Variants in SNX6 observed in about 807,000 individuals in gnomAD.
SNX6 encodes the protein sorting nexin 6.
Under a neutral mutation model 63.0 loss-of-function variants are expected in SNX6, and 34 were observed. The ratio of observed to expected loss-of-function variants is 0.54; its 90% CI spans 0.41 to 0.72. SNX6 has a LOEUF of 0.72. Among genes scored for constraint, SNX6 ranks in the 30% least tolerant of loss-of-function variants. SNX6 has a pLI of 0.00. For missense variants in SNX6, 398 were observed against 471.4 expected, an observed-to-expected ratio of 0.84 and a Z score of 1.44; for synonymous variants, 170 against 164.2, an observed-to-expected ratio of 1.04 and a Z score of -0.27.
chr14:34,563,238 G>T, intron 13 of SNX6, 63 bp from the exon 14 acceptor site: 1 of 1,459,240 alleles, frequency 6.9e-7, no homozygotes, highest in Non-Finnish European at 9.6e-7. Context: ...GACTCCTACT[G>T]AAAATACAGT....
Position 34,596,816 on chromosome 14 carries a change from G to A in SNX6, c.612+734C>T, listed in dbSNP as rs549372044. 7.4e-4 allele frequency among the ~76,000 whole-genome samples: 112 copies of A among 151,712 alleles called. 1 individual carries two copies. Among genetic ancestry groups the A allele is most frequent in the African/African-American group, 2.3e-3 (97 of 41,428 alleles). The stretch of plus-strand genomic sequence containing the variant: ...CCCGAGTAGCTGGGATTACAGGCAC[G>A]CAGGACTACCACCCAGCTAATTTTT... On this transcript the variant is annotated intron_variant, in intron 7 of 13. Transcript: ENST00000362031.
At chr14:34,571,631 C>T (rs889762921) in intron 11 of SNX6, among the ~76,000 whole-genome samples, 1 of 152,072 alleles carries the variant, frequency 6.6e-6, no homozygotes, top group Non-Finnish European at 1.5e-5. Flanking sequence ...AGGGAGAGAG[C>T]ACAGAGGATT....
chr14:34,598,208 A>C (rs567744349), intron 6 of SNX6, among the ~76,000 whole-genome samples: 2 of 152,294 alleles, frequency 1.3e-5, no homozygotes, highest in Admixed American at 1.3e-4. Flanking sequence ...GGCAAAACCA[A>C]CAAGCAGCAG....
rs550708133 is a variant in SNX6 at position 34,613,186 on chromosome 14, G to A, written c.55-3444C>T. On this transcript the variant is annotated intron_variant, in intron 2 of 13. Transcript: ENST00000362031. ...TGCTGGTAGCCACTGAAAGCTGGAG[G>A]AGGCAGGGAATTCTTCCCTAGAGCC... 3.2e-4 allele frequency among the ~76,000 whole-genome samples: 49 copies of A among 152,234 alleles called. 1 individual carries two copies. The highest frequency in any genetic ancestry group is 1.3e-4 in the Admixed American group (2 of 15,282).
At position 34,595,781 on chromosome 14, in the gene SNX6, T is replaced by C. The variant is rs1196450806; in HGVS notation, c.612+1769A>G. On this transcript the variant is annotated intron_variant, in intron 7 of 13. Transcript: ENST00000362031. ...ACCGATTTTATTATGGATGTGTCTA[T>C]AAAAACAGGCAATGATGACAAAGCA... Among the ~76,000 whole-genome samples, 5 of 152,194 alleles carry C rather than the reference T, an allele frequency of 3.3e-5. No homozygotes were observed. In the East Asian group the frequency reaches 7.7e-4, roughly 23 times the overall value.
chr14:34,626,668 C>CAAAAAAAA (rs56118978), intron 2 of SNX6, among the ~76,000 whole-genome samples: 11 of 126,522 alleles, frequency 8.7e-5, no homozygotes, highest in South Asian at 2.5e-4. Flanking sequence ...GACTCCATTT[C>CAAAAAAAA]AAAAAAAAAA....
At chr14:34,575,285 C>G (rs959308500) in intron 11 of SNX6, among the ~76,000 whole-genome samples, 2 of 150,448 alleles carry the variant, frequency 1.3e-5, no homozygotes, top group Non-Finnish European at 2.9e-5. Context: ...ACTGCAACCT[C>G]TGCCTCCCGG....
intron 2 of SNX6, among the ~76,000 whole-genome samples, chr14:34,628,256 G>A (rs1348109547): frequency 6.6e-6 from 1 of 151,982 alleles, no homozygotes; most frequent in Non-Finnish European, 1.5e-5. Flanking sequence ...TCTGGAAATC[G>A]AGACCATCCT....
intron 2 of SNX6, among the ~76,000 whole-genome samples, chr14:34,618,028 T>C (rs1489861114): frequency 6.6e-6 from 1 of 152,144 alleles, no homozygotes; most frequent in Non-Finnish European, 1.5e-5. Context: ...TTGTTCATAT[T>C]TTGACAGCAA....
intron 3 of SNX6, 33 bp from the exon 4 acceptor site, chr14:34,608,173 C>G: frequency 7.7e-7 from 1 of 1,292,198 alleles, no homozygotes; most frequent in Non-Finnish European, 1.1e-6. Flanking sequence ...GAATAAAAAT[C>G]AAATTTACAC....
chr14:34,615,396 T>C (rs1200727280), intron 2 of SNX6, among the ~76,000 whole-genome samples: 1 of 152,158 alleles, frequency 6.6e-6, no homozygotes, highest in East Asian at 1.9e-4. Context: ...TAATTATTAT[T>C]ATTTTTTAAG....
At chr14:34,627,320 G>A (rs1042295722) in intron 2 of SNX6, among the ~76,000 whole-genome samples, 1 of 152,080 alleles carries the variant, frequency 6.6e-6, no homozygotes, top group Admixed American at 6.5e-5. Flanking sequence ...GGTGGCGGGC[G>A]CCTGTAGTCC....
In SNX6 at chr14:34,616,269, T is replaced by C. The variant is rs535598009; in HGVS notation, c.55-6527A>G. Among the ~76,000 whole-genome samples the C allele has an allele frequency of 6.6e-5, 10 of 152,236 alleles. No homozygotes were observed. The East Asian group carries it at 1.7e-3, about 26-fold the overall frequency. ...ATGCCCAGCCAGGAATGTCTTTCAA[T>C]TGATGACAAATTACAATTTAACTAG... On this transcript the variant is annotated intron_variant, in intron 2 of 13. Coordinates refer to ENST00000362031, the MANE Select transcript of SNX6 (RefSeq NM_152233.4).
intron 9 of SNX6, among the ~76,000 whole-genome samples, chr14:34,584,545 C>A (rs1329770115): frequency 1.3e-5 from 2 of 151,948 alleles, no homozygotes; most frequent in African/African-American, 4.8e-5. Context: ...GGGCGGGTGG[C>A]AGAATCAATT....
chr14:34,585,041 AG>A (rs1882097823), intron 9 of SNX6, among the ~76,000 whole-genome samples: 7 of 151,932 alleles, frequency 4.6e-5, no homozygotes, highest in Admixed American at 4.6e-4. Context: ...TAGTGGAGAC[AG>A]GGTTTCTCCA....
At chr14:34,628,033 A>G (rs1883895438) in intron 2 of SNX6, among the ~76,000 whole-genome samples, 1 of 152,222 alleles carries the variant, frequency 6.6e-6, no homozygotes, top group Non-Finnish European at 1.5e-5. Context: ...AAAAGTATGC[A>G]GCACCTTCTC....
At chr14:34,569,624 A>T (rs1881353817) in intron 11 of SNX6, among the ~76,000 whole-genome samples, 1 of 151,870 alleles carries the variant, frequency 6.6e-6, no homozygotes, top group South Asian at 2.1e-4. Context: ...ATGGGGATTC[A>T]CCTATTCTGG....
At chr14:34,568,982 C>T (rs542065104) in intron 11 of SNX6, 7 of 1,449,440 alleles carry the variant, frequency 4.8e-6, no homozygotes, top group East Asian at 2.3e-5. Flanking sequence ...CAGTTCTCAT[C>T]GTAGGGAGCA....
intron 5 of SNX6, among the ~76,000 whole-genome samples, chr14:34,603,969 C>A (rs1339418609): frequency 6.6e-6 from 1 of 151,132 alleles, no homozygotes; most frequent in African/African-American, 2.4e-5. Context: ...ATTTTTTTTG[C>A]CATTACACCA....
Sources: gnomAD v4.1 joint callset for allele counts (sites outside exome capture counted in the v4.1 genomes callset) on GRCh38, gnomAD v4.1.1 for gene constraint, MANE v1.5 for transcripts, NCBI Gene and HGNC (gene_info 2026-07-23, HGNC 2026-07-21) for gene names.